Variants in AGTPBP1 observed in about 807,000 individuals in gnomAD.
AGTPBP1 encodes the protein ATP/GTP binding carboxypeptidase 1.
In AGTPBP1, 70 loss-of-function variants were observed where a neutral mutation model predicts 143.9. The ratio of observed to expected loss-of-function variants is 0.49; its 90% confidence interval spans 0.40 to 0.59. The LOEUF is 0.59. AGTPBP1 is among the 20% of genes least tolerant of loss of function. AGTPBP1 has a pLI of 0.00. For synonymous variants in AGTPBP1, 463 were observed against 500.2 expected (o/e 0.93, Z 0.99); for missense variants, 1,229 against 1,464.5 (o/e 0.84, Z 2.62).
At chr9:85,617,513 T>A (rs1017111402) in intron 17 of AGTPBP1, among the ~76,000 whole-genome samples, 1 of 152,198 alleles carries the variant, frequency 6.6e-6, no homozygotes, top group Non-Finnish European at 1.5e-5. Context: ...GTTTGACTAC[T>A]GGGTGTCTTA....
chr9:85,549,866 T>A (rs939904782), intron 25 of AGTPBP1, among the ~76,000 whole-genome samples: 1 of 152,254 alleles, frequency 6.6e-6, no homozygotes, highest in Admixed American at 6.5e-5. Flanking sequence ...ATGTTGACTA[T>A]GAGAAGAACT....
At chr9:85,666,828 A>C (rs1434100316) in intron 8 of AGTPBP1, among the ~76,000 whole-genome samples, 2 of 152,140 alleles carry the variant, frequency 1.3e-5, no homozygotes, top group Non-Finnish European at 2.9e-5. Flanking sequence ...GAAACAGCAA[A>C]TAAATAAAAG....
intron 1 of AGTPBP1, among the ~76,000 whole-genome samples, chr9:85,736,106 T>C (rs994044021): frequency 4.6e-5 from 7 of 152,190 alleles, no homozygotes; most frequent in African/African-American, 1.7e-4. Context: ...CTGTTTAATA[T>C]TTACATTCCC....
chr9:85,710,746 A>T (rs534805825), intron 2 of AGTPBP1, among the ~76,000 whole-genome samples: 6 of 152,304 alleles, frequency 3.9e-5, no homozygotes, highest in Non-Finnish European at 8.8e-5. Context: ...GAAAAAAATT[A>T]AAAATGACCT....
At chr9:85,660,478 ATT>A (rs1418466667) in intron 9 of AGTPBP1, among the ~76,000 whole-genome samples, 1 of 152,166 alleles carries the variant, frequency 6.6e-6, no homozygotes, top group African/African-American at 2.4e-5. Flanking sequence ...GTAAATGTAT[ATT>A]GTCACATTTT....
intron 1 of AGTPBP1, among the ~76,000 whole-genome samples, chr9:85,733,939 G>A (rs1293169416): frequency 6.6e-6 from 1 of 152,148 alleles, no homozygotes; most frequent in African/African-American, 2.4e-5. Context: ...AACTATTGAG[G>A]AGATGTAATC....
At chr9:85,742,096 C>T (rs945516697), upstream of AGTPBP1, 1 of 1,064,940 alleles carries the variant, frequency 9.4e-7, no homozygotes, top group East Asian at 4.5e-5. Context: ...CTTCCCGCCG[C>T]GTCCCTTGTT....
intron 14 of AGTPBP1, among the ~76,000 whole-genome samples, chr9:85,625,751 G>A (rs959875578): frequency 1.3e-5 from 2 of 151,704 alleles, no homozygotes; most frequent in African/African-American, 4.8e-5. Context: ...CAGAAGTGGT[G>A]GCACGTGCCT....
chr9:85,690,073 T>C (rs1362627111), intron 3 of AGTPBP1, among the ~76,000 whole-genome samples: 1 of 151,594 alleles, frequency 6.6e-6, no homozygotes, highest in Non-Finnish European at 1.5e-5. Context: ...TGTATGAGAG[T>C]ACCCTCTCCC....
intron 11 of AGTPBP1, among the ~76,000 whole-genome samples, chr9:85,653,966 G>A (rs1173923690): frequency 5.3e-5 from 8 of 151,964 alleles, no homozygotes; most frequent in African/African-American, 1.9e-4. Context: ...TTTTAAAGGA[G>A]GTTTCTAAAT....
chr9:85,786,420 G>A, the AGTPBP1 span: 62 of 1,613,880 alleles, frequency 3.8e-5, no homozygotes, highest in South Asian at 1.5e-4. Flanking sequence ...AATGTGGGAC[G>A]ACTTCATGGT....
intron 25 of AGTPBP1, among the ~76,000 whole-genome samples, chr9:85,548,444 T>C (rs570247927): frequency 6.6e-6 from 1 of 152,334 alleles, no homozygotes; most frequent in South Asian, 2.1e-4. Context: ...CTTGATCTAA[T>C]GTAGCAAACT....
chr9:85,728,172 G>A (rs1327916831), intron 1 of AGTPBP1, among the ~76,000 whole-genome samples: 1 of 151,994 alleles, frequency 6.6e-6, no homozygotes, highest in Admixed American at 6.6e-5. Flanking sequence ...GGGCTTGTGA[G>A]TAAGAATGTT....
At chr9:85,757,248 G>A in the AGTPBP1 span, among the ~76,000 whole-genome samples, 1 of 152,040 alleles carries the variant, frequency 6.6e-6, no homozygotes, top group African/African-American at 2.4e-5. Context: ...TGTATTTTTA[G>A]TAGAGACGGG....
chr9:85,795,664 G>C, the AGTPBP1 span, among the ~76,000 whole-genome samples: 1 of 152,130 alleles, frequency 6.6e-6, no homozygotes, highest in South Asian at 2.1e-4. Flanking sequence ...GAGTATGGAG[G>C]AAGGGCACCT....
At chr9:85,599,021 C>T (rs1442873308) in intron 17 of AGTPBP1, among the ~76,000 whole-genome samples, 2 of 151,996 alleles carry the variant, frequency 1.3e-5, no homozygotes, top group African/African-American at 2.4e-5. Flanking sequence ...CGTACCCGGC[C>T]GACTGACACT....
chr9:85,575,896 T>C (rs539236225), intron 24 of AGTPBP1, among the ~76,000 whole-genome samples: 5 of 152,262 alleles, frequency 3.3e-5, no homozygotes, highest in African/African-American at 4.8e-5. Flanking sequence ...ATATGTACAT[T>C]TGAACATTAC....
At chr9:85,602,178 G>A (rs1829715818) in intron 17 of AGTPBP1, among the ~76,000 whole-genome samples, 1 of 152,044 alleles carries the variant, frequency 6.6e-6, no homozygotes, top group African/African-American at 2.4e-5. Flanking sequence ...TGCTGGAAAA[G>A]TAATTCAAAA....
the AGTPBP1 span, among the ~76,000 whole-genome samples, chr9:85,797,305 C>T: frequency 6.6e-6 from 1 of 152,062 alleles, no homozygotes; most frequent in African/African-American, 2.4e-5. Flanking sequence ...GACAAAGTCT[C>T]ACAATGTTGC....
Sources: gnomAD v4.1 joint callset for allele counts (sites outside exome capture counted in the v4.1 genomes callset) on GRCh38, gnomAD v4.1.1 for gene constraint, MANE v1.5 for transcripts, NCBI Gene and HGNC (gene_info 2026-07-23, HGNC 2026-07-21) for gene names.